YEATS2: variants seen among roughly 807,000 people sequenced by gnomAD.
YEATS2 encodes YEATS domain-containing protein 2.
In YEATS2, 77 loss-of-function variants were observed where a neutral mutation model predicts 163.2. That is an observed-to-expected ratio of 0.47 (90% CI 0.39 to 0.57). YEATS2 has a LOEUF of 0.57. YEATS2 is among the 20% of genes least tolerant of loss of function. YEATS2 has a pLI of 0.00. For synonymous variants in YEATS2, 631 were observed against 645.1 expected (o/e 0.98, Z 0.33); for missense variants, 1,549 against 1,729.8 (o/e 0.90, Z 1.85).
intron 19 of YEATS2, 101 bp downstream of exon 19, chr3:183,777,801 C>CA (rs1008570943): frequency 4.9e-6 from 7 of 1,434,686 alleles, no homozygotes; most frequent in Non-Finnish European, 6.5e-6. Flanking sequence ...ATTAAGGTTA[C>CA]ATAAGAAAAT....
At chr3:183,756,078 G>C (rs1232378276) in intron 11 of YEATS2, among the ~76,000 whole-genome samples, 1 of 152,002 alleles carries the variant, frequency 6.6e-6, no homozygotes, top group East Asian at 1.9e-4. Context: ...TAGTGTCTTC[G>C]AGTATAACCA....
chr3:183,772,681 T>A (rs1472691975), intron 16 of YEATS2, 118 bp downstream of exon 16: 2 of 1,274,438 alleles, frequency 1.6e-6, no homozygotes, highest in Non-Finnish European at 2.2e-6. Context: ...GTTGATGCTG[T>A]AAGAAGTGTA....
chr3:183,763,807 G>A (rs1438932437), intron 15 of YEATS2, among the ~76,000 whole-genome samples: 2 of 152,132 alleles, frequency 1.3e-5, no homozygotes, highest in East Asian at 1.9e-4. Flanking sequence ...GCTCACACCT[G>A]TGAGCCACCT....
At chr3:183,802,844 C>G in intron 25 of YEATS2, 1 of 156,530 alleles carries the variant, frequency 6.4e-6, no homozygotes, top group Non-Finnish European at 1.4e-5. Context: ...GCAGGAGAAT[C>G]GCTTGAACCT....
intron 15 of YEATS2, among the ~76,000 whole-genome samples, chr3:183,762,534 G>C (rs1023271523): frequency 3.3e-5 from 5 of 152,218 alleles, no homozygotes; most frequent in African/African-American, 1.2e-4. Flanking sequence ...TGCTGTCTCT[G>C]GCAGTGGAGG....
In YEATS2 at chr3:183,798,517, C is replaced by CT. The variant is rs761238177; in HGVS notation, c.3227-373dup. Among the ~76,000 whole-genome samples the CT allele has an allele frequency of 1.2e-4, 18 of 152,174 alleles. 1 individual carries two copies. The highest frequency in any genetic ancestry group is 5.2e-4 in the Admixed American group (8 of 15,280). On this transcript the variant is annotated intron_variant, in intron 22 of 30. Transcript: ENST00000305135. ...TACAGGCGCGTGCCACCACGCCTGG[C>CT]TAATTTTCGTATTTTTAGTAAAGAT...
chr3:183,777,830 T>G (rs1723148039), intron 19 of YEATS2, 130 bp downstream of exon 19: 1 of 1,282,736 alleles, frequency 7.8e-7, no homozygotes, highest in Admixed American at 2.9e-5. Context: ...AGGCCAGGAG[T>G]GGTCGCTCAC....
intron 21 of YEATS2, among the ~76,000 whole-genome samples, chr3:183,797,265 CTCTG>C (rs1725237697): frequency 8.4e-6 from 1 of 118,720 alleles, no homozygotes; most frequent in Non-Finnish European, 1.7e-5. Flanking sequence ...CGAGATCCAA[CTCTG>C]AAAAAAAAAA....
At chr3:183,765,808 ATGGTGG>A (rs1450669501) in intron 15 of YEATS2, among the ~76,000 whole-genome samples, 1 of 151,910 alleles carries the variant, frequency 6.6e-6, no homozygotes, top group South Asian at 2.1e-4. Context: ...TTAGCCAGAC[ATGGTGG>A]TGTGCACCTG....
At chr3:183,801,644 T>C in intron 25 of YEATS2, 116 bp downstream of exon 25, 1 of 779,494 alleles carries the variant, frequency 1.3e-6, no homozygotes, top group Non-Finnish European at 2.0e-6. Context: ...GGTTACCTTA[T>C]AAGGTTTCAG....
intron 1 of YEATS2, among the ~76,000 whole-genome samples, chr3:183,703,663 A>AT (rs1228581557): frequency 2.6e-5 from 4 of 152,086 alleles, no homozygotes; most frequent in Admixed American, 1.3e-4. Flanking sequence ...ATAGATTTTG[A>AT]TTTTTTTGAT....
rs950542255 is a variant in YEATS2, at chr3:183,803,663, G to A, written c.3583-324G>A. 2.2e-5 allele frequency: 11 copies of A among 489,280 alleles called. No individual in the cohort carries two copies. In the East Asian group the frequency reaches 3.5e-4, roughly 16 times the overall value. The allele number at this position is 489,280 out of a possible 1,614,324, so 30.3% of individuals were successfully genotyped here. A position where few individuals can be genotyped will look rare whatever the true frequency, so the allele number is the denominator to read the frequency against. On this transcript the variant is annotated intron_variant, in intron 26 of 30. Transcript: ENST00000305135. The stretch of plus-strand genomic sequence containing the variant: ...GTAGGAGGGGAGTGGGAGAGCGCAG[G>A]TGGAGACCAGGTGAAGATCCTTACA...
chr3:183,791,015 T>G, intron 21 of YEATS2, 35 bp downstream of exon 21: 1 of 1,598,472 alleles, frequency 6.3e-7, no homozygotes, highest in Non-Finnish European at 8.6e-7. Flanking sequence ...CTCTCTCTTT[T>G]CTCTCATTGG....
intron 1 of YEATS2, among the ~76,000 whole-genome samples, chr3:183,709,675 A>AT (rs774989436): frequency 0.054 from 6,715 of 125,152 alleles, 492 homozygotes; most frequent in African/African-American, 0.14. Context: ...AATGAGATAA[A>AT]TTTTTTTTTT....
intron 6 of YEATS2, among the ~76,000 whole-genome samples, chr3:183,727,879 C>T (rs533188602): frequency 3.2e-4 from 48 of 151,884 alleles, no homozygotes; most frequent in Non-Finnish European, 6.3e-4. Context: ...TAGAGCTTCC[C>T]TAACCTAGGA....
rs1215610711 is a variant in YEATS2 at position 183,775,995 on chromosome 3, A to C, written c.2449A>C (p.Ser817Arg). The change falls in exon 18 of 31, where the codon AGC becomes CGC. Residue 817 changes from serine (S) to arginine (R), a missense_variant. Coordinates refer to ENST00000305135, the MANE Select transcript of YEATS2 (RefSeq NM_018023.5). ...GGGGGGGGSGSGGGGSTGGGG... is the reference protein window; with the variant it reads ...GGGGGGGGSGRGGGGSTGGGG... ...AGGAGGAGGAGGAGGCGGCAGTGGC[A>C]GCGGTGGAGGCGGCAGCACAGGAGG... 2 of 1,609,004 alleles carry C rather than the reference A, an allele frequency of 1.2e-6. No homozygotes were observed. Among genetic ancestry groups the C allele is most frequent in the Non-Finnish European group, 8.5e-7 (1 of 1,177,088 alleles).
intron 20 of YEATS2, among the ~76,000 whole-genome samples, chr3:183,788,723 C>A (rs942417452): frequency 6.6e-6 from 1 of 152,180 alleles, no homozygotes; most frequent in African/African-American, 2.4e-5. Context: ...ACCCTCTGTA[C>A]TGTTCTCTAT....
chr3:183,785,978 G>C, intron 19 of YEATS2, 147 bp from the exon 20 acceptor site: 1 of 783,594 alleles, frequency 1.3e-6, no homozygotes, highest in South Asian at 2.1e-5. Flanking sequence ...TGTTAGAAAG[G>C]TGTGTAAACA....
intron 9 of YEATS2, among the ~76,000 whole-genome samples, chr3:183,751,713 C>A (rs1207811809): frequency 6.6e-6 from 1 of 152,174 alleles, no homozygotes; most frequent in African/African-American, 2.4e-5. Flanking sequence ...TAGGCATGGT[C>A]TCTCTGAGAA....
Sources: allele counts gnomAD v4.1 joint callset (sites outside exome capture counted in the v4.1 genomes callset), GRCh38; gene constraint gnomAD v4.1.1; transcripts MANE v1.5; gene names NCBI Gene and HGNC (gene_info 2026-07-23, HGNC 2026-07-21).